The following GKAP1 variants were observed in gnomAD, a reference collection of about 807,000 sequenced individuals.
The protein encoded by GKAP1 is G kinase anchoring protein 1, also known as G kinase-anchoring protein 1.
In GKAP1, 31 loss-of-function variants were observed where a neutral mutation model predicts 56.7. The ratio of observed to expected loss-of-function variants is 0.55; its 90% confidence interval spans 0.41 to 0.74. The LOEUF is 0.74. Among genes scored for constraint, GKAP1 ranks in the 30% least tolerant of loss-of-function variants. The pLI is 0.00. For synonymous variants in GKAP1, 151 were observed against 138.6 expected (o/e 1.09, Z -0.63); for missense variants, 364 against 402.3 (o/e 0.90, Z 0.82).
At chr9:83,764,310 G>C (rs552846522) in intron 8 of GKAP1, among the ~76,000 whole-genome samples, 119 of 152,128 alleles carry the variant, frequency 7.8e-4, no homozygotes, top group African/African-American at 2.7e-3. Context: ...AAGATCTGAT[G>C]GTTTCCTAAG....
rs201224745 is a variant in GKAP1 at position 83,800,054 on chromosome 9, CT to C, written c.217-727del. ...AAATAGTGAGAGATCGCCTAAGCAA[CT>C]CTGACAACTACTTTGCTAGTCCTGA... On this transcript the variant is annotated intron_variant, in intron 3 of 12. Coordinates refer to ENST00000376371, the MANE Select transcript of GKAP1 (RefSeq NM_025211.4). Among the ~76,000 whole-genome samples the C allele has an allele frequency of 6.9e-3, 1,045 of 152,278 alleles. 16 individuals carry two copies. Among genetic ancestry groups the C allele is most frequent in the African/African-American group, 0.024 (1,001 of 41,558 alleles).
At chr9:83,746,253 T>C (rs1007425931) in intron 10 of GKAP1, among the ~76,000 whole-genome samples, 9 of 152,230 alleles carry the variant, frequency 5.9e-5, no homozygotes, top group Non-Finnish European at 1.2e-4. Context: ...AAATTTTGTT[T>C]GGACAGTTAT....
chr9:83,805,293 C>T (rs1337120658), intron 3 of GKAP1, among the ~76,000 whole-genome samples: 1 of 152,026 alleles, frequency 6.6e-6, no homozygotes, highest in Non-Finnish European at 1.5e-5. Context: ...ATCATCACCA[C>T]TCCCTAATCT....
Position 83,779,576 on chromosome 9 carries a change from TATATATACAC to T in GKAP1, c.585+796_585+805del, listed in dbSNP as rs1198605448. Among the ~76,000 whole-genome samples the T allele has an allele frequency of 5.0e-4, 43 of 86,124 alleles. 4 individuals carry two copies. The highest frequency in any genetic ancestry group is 7.2e-4 in the Non-Finnish European group (36 of 50,164). 56.5% of individuals were successfully genotyped at this position (86,124 alleles called of 152,430 possible). ...GTATATGTGTATATATATACACACATATATATACACGTATATGTGTATATATATACACATA... is the reference window on the plus strand; with the variant it reads ...GTATATGTGTATATATATACACACATGTATATGTGTATATATATACACATA... On this transcript the variant is annotated intron_variant, in intron 7 of 12. Coordinates refer to ENST00000376371, the MANE Select transcript of GKAP1 (RefSeq NM_025211.4).
chr9:83,751,872 G>C (rs913517302), intron 9 of GKAP1, among the ~76,000 whole-genome samples: 1 of 152,130 alleles, frequency 6.6e-6, no homozygotes, highest in Non-Finnish European at 1.5e-5. Context: ...TTCACTCCTG[G>C]TGGGAATGTA....
At chr9:83,811,005 T>C (rs2131328623) in intron 2 of GKAP1, among the ~76,000 whole-genome samples, 1 of 152,354 alleles carries the variant, frequency 6.6e-6, no homozygotes, top group East Asian at 1.9e-4. Flanking sequence ...AGTATTTGTA[T>C]ATCTAAAGAA....
chr9:83,744,638 A>T (rs1041109244), intron 10 of GKAP1, among the ~76,000 whole-genome samples: 4 of 152,122 alleles, frequency 2.6e-5, no homozygotes, highest in East Asian at 1.9e-4. Context: ...CAACGATTTT[A>T]AGTGCTGTGC....
Position 83,784,833 on chromosome 9 carries a change from A to G in GKAP1, c.444T>C (p.Tyr148=). The G allele has an allele frequency of 6.4e-7, 1 of 1,567,788 alleles. No individual in the cohort carries two copies. The highest frequency in any genetic ancestry group is 8.7e-7 in the Non-Finnish European group (1 of 1,155,788). ...KLEYEEHKKE[Y]EDAENTSTQS... ...GAGTTGAAGTATTTTCAGCATCTTCATACTCCTAAAAAGAATTACCAACAA... is the reference window on the plus strand; with the variant it reads ...GAGTTGAAGTATTTTCAGCATCTTCGTACTCCTAAAAAGAATTACCAACAA... The change falls in exon 6 of 13, where the codon TAT becomes TAC. Residue 148 remains tyrosine (Y), a synonymous_variant. Coordinates refer to ENST00000376371, the MANE Select transcript of GKAP1 (RefSeq NM_025211.4).
chr9:83,797,812 T>TA (rs1165508367), intron 4 of GKAP1, among the ~76,000 whole-genome samples: 2 of 152,244 alleles, frequency 1.3e-5, no homozygotes, highest in Non-Finnish European at 2.9e-5. Flanking sequence ...TTTCCTTCAT[T>TA]AGTTCTCCAG....
chr9:83,810,234 G>T (rs1157435522), intron 2 of GKAP1, among the ~76,000 whole-genome samples: 1 of 152,148 alleles, frequency 6.6e-6, no homozygotes, highest in South Asian at 2.1e-4. Flanking sequence ...AAAATTGTTT[G>T]TTTTTATTAC....
intron 6 of GKAP1, among the ~76,000 whole-genome samples, chr9:83,782,661 T>C (rs1211265317): frequency 4.4e-5 from 5 of 113,498 alleles, no homozygotes; most frequent in African/African-American, 1.3e-4. Flanking sequence ...GCGCCCAGCC[T>C]TTTTTTTTTT....
intron 9 of GKAP1, chr9:83,748,577 G>A (rs1033455148): frequency 2.3e-5 from 7 of 302,440 alleles, no homozygotes; most frequent in South Asian, 1.1e-4. Flanking sequence ...AATATTATAC[G>A]TGATTGAAAA....
chr9:83,799,632 G>C (rs1399641006), intron 3 of GKAP1, among the ~76,000 whole-genome samples: 1 of 152,096 alleles, frequency 6.6e-6, no homozygotes, highest in Non-Finnish European at 1.5e-5. Context: ...TATAGGAGTA[G>C]AAAACAGTAA....
chr9:83,782,636 G>A (rs1943993968), intron 6 of GKAP1, among the ~76,000 whole-genome samples: 1 of 149,362 alleles, frequency 6.7e-6, no homozygotes, highest in African/African-American at 2.5e-5. Flanking sequence ...GGAATTGCAG[G>A]CGTGATGAGC....
At chr9:83,766,604 T>G (rs911793031) in intron 8 of GKAP1, among the ~76,000 whole-genome samples, 2 of 152,202 alleles carry the variant, frequency 1.3e-5, no homozygotes, top group Admixed American at 1.3e-4. Context: ...TGGTGTTAAT[T>G]TACTGTAAGA....
At position 83,772,816 on chromosome 9, in the gene GKAP1, G is replaced by A. The variant is rs187411859; in HGVS notation, c.586-3846C>T. Among the ~76,000 whole-genome samples the A allele has an allele frequency of 3.9e-5, 6 of 152,220 alleles. No homozygotes were observed. In the East Asian group the frequency reaches 1.2e-3, roughly 29 times the overall value. ...CAGAAGATATAAGAATGGCTGATAAGCATATGAAAAGATGTCTGAAATCAC... is the reference window on the plus strand; with the variant it reads ...CAGAAGATATAAGAATGGCTGATAAACATATGAAAAGATGTCTGAAATCAC... On this transcript the variant is annotated intron_variant, in intron 7 of 12. Transcript: ENST00000376371.
chr9:83,750,706 C>T (rs1040262726), intron 9 of GKAP1, among the ~76,000 whole-genome samples: 2 of 152,138 alleles, frequency 1.3e-5, no homozygotes, highest in African/African-American at 4.8e-5. Flanking sequence ...ATCTATTATT[C>T]ATCTCAAGTA....
At chr9:83,772,229 T>C (rs1943775198) in intron 7 of GKAP1, among the ~76,000 whole-genome samples, 1 of 152,148 alleles carries the variant, frequency 6.6e-6, no homozygotes, top group South Asian at 2.1e-4. Context: ...TAAGACAGTA[T>C]GGTGCTTATG....
chr9:83,760,370 A>C (rs1943548587), intron 8 of GKAP1, among the ~76,000 whole-genome samples: 1 of 152,206 alleles, frequency 6.6e-6, no homozygotes, highest in South Asian at 2.1e-4. Flanking sequence ...TATATAAAGC[A>C]AATATTATTA....
Sources: gnomAD v4.1 joint callset for allele counts (sites outside exome capture counted in the v4.1 genomes callset) on GRCh38, gnomAD v4.1.1 for gene constraint, MANE v1.5 for transcripts, NCBI Gene and HGNC (gene_info 2026-07-23, HGNC 2026-07-21) for gene names.